PDE4D: variants seen among roughly 807,000 people sequenced by gnomAD.
PDE4D encodes phosphodiesterase 4D.
In PDE4D, 24 loss-of-function variants were observed where a neutral mutation model predicts 87.4. The ratio of observed to expected loss-of-function variants is 0.27; its 90% confidence interval spans 0.20 to 0.39. PDE4D has a LOEUF of 0.39. Ranked by LOEUF, PDE4D falls within the 10% of genes least tolerant of loss-of-function variation. PDE4D has a pLI of 1.00. For missense variants in PDE4D, 714 were observed against 1,041.0 expected (o/e 0.69, Z 4.32); for synonymous variants, 384 against 383.2 (o/e 1.00, Z -0.02).
At chr5:59,411,973 C>A (rs1018428796) in intron 1 of PDE4D, among the ~76,000 whole-genome samples, 1 of 152,152 alleles carries the variant, frequency 6.6e-6, no homozygotes, top group Non-Finnish European at 1.5e-5. Flanking sequence ...TATCAATTAT[C>A]GTGCATCTAT....
chr5:60,047,341 G>A (rs999456244), intron 2 of PDE4D, among the ~76,000 whole-genome samples: 12 of 151,892 alleles, frequency 7.9e-5, no homozygotes, highest in African/African-American at 2.9e-4. Flanking sequence ...TTAATTTTTT[G>A]AAGGGTTTTT....
intron 3 of PDE4D, among the ~76,000 whole-genome samples, chr5:59,908,250 G>A (rs1753050229): frequency 2.0e-5 from 3 of 152,046 alleles, no homozygotes; most frequent in Non-Finnish European, 2.9e-5. Context: ...GTACTCAGAT[G>A]TCATTAATGA....
chr5:59,888,071 G>A (rs192438992), intron 1 of PDE4D, among the ~76,000 whole-genome samples: 1 of 152,282 alleles, frequency 6.6e-6, no homozygotes, highest in East Asian at 1.9e-4. Flanking sequence ...GGACAGTGGT[G>A]GACTAGGTTA....
intron 1 of PDE4D, among the ~76,000 whole-genome samples, chr5:59,645,729 T>C (rs1159140929): frequency 6.6e-6 from 1 of 152,136 alleles, no homozygotes. Flanking sequence ...TCAAAACATA[T>C]AAAGCCAGGA....
chr5:59,623,624 A>G (rs1207419815), intron 1 of PDE4D, among the ~76,000 whole-genome samples: 1 of 152,128 alleles, frequency 6.6e-6, no homozygotes, highest in Non-Finnish European at 1.5e-5. Flanking sequence ...CATGAGAACA[A>G]CCAGGTCCCC....
chr5:59,248,629 A>G (rs1433761252), intron 1 of PDE4D, among the ~76,000 whole-genome samples: 2 of 152,174 alleles, frequency 1.3e-5, no homozygotes, highest in Non-Finnish European at 2.9e-5. Flanking sequence ...TATAGTTGTA[A>G]TGTAGTATGT....
intron 5 of PDE4D, among the ~76,000 whole-genome samples, chr5:59,089,324 T>A (rs1195402957): frequency 6.6e-6 from 1 of 152,160 alleles, no homozygotes; most frequent in Non-Finnish European, 1.5e-5. Flanking sequence ...CTAATTGGTA[T>A]CAATTTTAGT....
chr5:60,366,303 A>G (rs1760536644), intron 1 of PDE4D, among the ~76,000 whole-genome samples: 1 of 152,074 alleles, frequency 6.6e-6, no homozygotes, highest in African/African-American at 2.4e-5. Context: ...TAGGACACCA[A>G]GCAATTTGAG....
intron 1 of PDE4D, among the ~76,000 whole-genome samples, chr5:59,503,652 G>T (rs114683764): frequency 0.016 from 2,468 of 152,180 alleles, 51 homozygotes; most frequent in African/African-American, 0.056. Context: ...ATTCTACTGT[G>T]TTTCACTATA....
intron 1 of PDE4D, among the ~76,000 whole-genome samples, chr5:59,469,777 A>G (rs1215356775): frequency 1.3e-5 from 2 of 152,174 alleles, no homozygotes; most frequent in Non-Finnish European, 2.9e-5. Flanking sequence ...CTCATTTACG[A>G]AGAGGAGAGA....
intron 1 of PDE4D, among the ~76,000 whole-genome samples, chr5:60,502,986 C>T (rs1226028002): frequency 6.6e-6 from 1 of 152,084 alleles, no homozygotes; most frequent in Non-Finnish European, 1.5e-5. Flanking sequence ...TAGAACCTTA[C>T]AACAAGGGCA....
chr5:58,990,400 A>G (rs1458992287), intron 9 of PDE4D, among the ~76,000 whole-genome samples: 1 of 152,186 alleles, frequency 6.6e-6, no homozygotes. Flanking sequence ...ATGAAGAAAG[A>G]AGCAGGACAC....
At chr5:59,386,654 A>AAAGAAAAAG (rs1337921682) in intron 1 of PDE4D, among the ~76,000 whole-genome samples, 1 of 130,324 alleles carries the variant, frequency 7.7e-6, no homozygotes, top group African/African-American at 2.7e-5. Context: ...AGAAAGAAAG[A>AAAGAAAAAG]AAGAAAAAGA....
chr5:59,899,907 T>G (rs1351585669), intron 3 of PDE4D, among the ~76,000 whole-genome samples: 1 of 152,144 alleles, frequency 6.6e-6, no homozygotes, highest in Non-Finnish European at 1.5e-5. Context: ...TGACTTGCAT[T>G]CATATAGCTA....
intron 3 of PDE4D, among the ~76,000 whole-genome samples, chr5:59,932,730 C>T (rs893300617): frequency 6.6e-6 from 1 of 151,958 alleles, no homozygotes; most frequent in Non-Finnish European, 1.5e-5. Flanking sequence ...TCTGGAAAGT[C>T]GGTAGATACC....
chr5:59,791,531 C>T (rs1039052673), intron 1 of PDE4D, among the ~76,000 whole-genome samples: 4 of 152,168 alleles, frequency 2.6e-5, no homozygotes, highest in African/African-American at 4.8e-5. Flanking sequence ...ACCCTCAACT[C>T]GTATTGACAG....
intron 6 of PDE4D, among the ~76,000 whole-genome samples, chr5:59,030,265 TA>T (rs1757104036): frequency 1.3e-5 from 2 of 151,488 alleles, no homozygotes; most frequent in Admixed American, 1.3e-4. Context: ...CAGGAGAAAA[TA>T]TCTGCAAACC....
Position 58,971,454 on chromosome 5 carries a change from T to C in PDE4D, c.*3210A>G, listed in dbSNP as rs1742583103. 1.3e-5 allele frequency: 2 copies of C among 152,512 alleles called. No homozygotes were observed. Among genetic ancestry groups the C allele is most frequent in the East Asian group, 3.9e-4 (2 of 5,188 alleles). The allele number at this position is 152,512 out of a possible 1,614,324, so 9.4% of individuals were successfully genotyped here. On this transcript the variant is annotated 3_prime_UTR_variant, in exon 15 of 15. Coordinates refer to ENST00000340635, the MANE Select transcript of PDE4D (RefSeq NM_001104631.2). ...ATAATTTACAATTAACATTACAGTA[T>C]GTACATTGCAATAAATACATGGTTG... is the stretch of plus-strand genomic sequence containing the variant.
chr5:60,303,554 G>A (rs966639973), intron 1 of PDE4D, among the ~76,000 whole-genome samples: 2 of 150,412 alleles, frequency 1.3e-5, no homozygotes, highest in African/African-American at 2.4e-5. Flanking sequence ...TGATCCGCCC[G>A]TCTCGGCCTC....
Sources: allele counts gnomAD v4.1 joint callset (sites outside exome capture counted in the v4.1 genomes callset), GRCh38; gene constraint gnomAD v4.1.1; transcripts MANE v1.5; gene names NCBI Gene and HGNC (gene_info 2026-07-23, HGNC 2026-07-21).